SMAP2: variants seen among roughly 807,000 people sequenced by gnomAD.
The protein encoded by SMAP2 is stromal membrane-associated protein 2.
In SMAP2, 25 loss-of-function variants were observed where a neutral mutation model predicts 56.4. That is an observed-to-expected ratio of 0.44 (90% CI 0.32 to 0.62). The LOEUF is 0.62. Among genes scored for constraint, SMAP2 ranks in the 20% least tolerant of loss-of-function variants. SMAP2 has a pLI of 0.04. For synonymous variants in SMAP2, 157 were observed against 181.7 expected (o/e 0.86, Z 1.09); for missense variants, 388 against 545.6 (o/e 0.71, Z 2.88).
upstream of SMAP2, among the ~76,000 whole-genome samples, chr1:40,371,744 G>C (rs763795121): frequency 2.6e-5 from 4 of 152,202 alleles, no homozygotes; most frequent in Admixed American, 6.5e-5. Flanking sequence ...CAAAACGCCA[G>C]AAATATTTAG....
rs745923526 is a variant in SMAP2, at chr1:40,408,800, C to T, written c.323+62C>T. On this transcript the variant is annotated intron_variant, in intron 3 of 9. Coordinates refer to ENST00000372718, the MANE Select transcript of SMAP2 (RefSeq NM_022733.3). The surrounding 1 kb of genome is among the most constrained non-coding windows in gnomAD (Gnocchi z 4.3). ...ATTTTGATGCTTGGGGAGAGTCAGACAAGACTCCAGTCCTGTAATGTGACT... is the reference window on the plus strand; with the variant it reads ...ATTTTGATGCTTGGGGAGAGTCAGATAAGACTCCAGTCCTGTAATGTGACT... 101 of 1,329,624 alleles carry T rather than the reference C, an allele frequency of 7.6e-5. No homozygotes were observed. Among genetic ancestry groups the T allele is most frequent in the Non-Finnish European group, 1.1e-4 (99 of 922,906 alleles). 82.4% of individuals were successfully genotyped at this position (1,329,624 alleles called of 1,614,324 possible).
Position 40,406,741 on chromosome 1 carries a change from C to T in SMAP2, c.109C>T (p.Arg37Ter), listed in dbSNP as rs2124339197. The T allele has an allele frequency of 6.2e-7, 1 of 1,612,810 alleles. No individual in the cohort carries two copies. The highest frequency in any genetic ancestry group is 8.5e-7 in the Non-Finnish European group (1 of 1,179,092). Residue 37 changes from arginine (R) to a stop codon, truncating the protein, a stop_gained, in exon 2 of 10, where the codon CGA becomes TGA. Transcript: ENST00000372718. LOFTEE classifies it high-confidence loss of function. Reference sequence around the variant, plus strand: ...CCTGTTCCTGACTTTCACAGGGCCGCGATGGGCCTCTTGGAACATTGGTGT... The same window carrying T: ...CCTGTTCCTGACTTTCACAGGGCCGTGATGGGCCTCTTGGAACATTGGTGT... ...FCADCQSKGP[R>*]WASWNIGVFI...
intron 1 of SMAP2, among the ~76,000 whole-genome samples, chr1:40,356,653 G>T (rs570914809): frequency 6.6e-6 from 1 of 152,006 alleles, no homozygotes. Context: ...TTTGTGAGCC[G>T]CCCGCCTTGG....
intron 1 of SMAP2, among the ~76,000 whole-genome samples, chr1:40,358,740 C>T (rs72670678): frequency 2.6e-5 from 4 of 152,138 alleles, no homozygotes; most frequent in East Asian, 1.9e-4. Flanking sequence ...TAGGTTCATT[C>T]GATTTTTAGT....
intron 1 of SMAP2, among the ~76,000 whole-genome samples, chr1:40,389,149 G>T (rs558424832): frequency 6.6e-6 from 1 of 152,114 alleles, no homozygotes; most frequent in Non-Finnish European, 1.5e-5. Flanking sequence ...CACCAATTCC[G>T]GACACAACAT....
intron 8 of SMAP2, 61 bp downstream of exon 8, chr1:40,416,402 A>G: frequency 1.3e-6 from 2 of 1,550,576 alleles, no homozygotes; most frequent in South Asian, 2.4e-5. Context: ...TCCATGCAGG[A>G]ATTATTTATT....
At chr1:40,400,555 G>A (rs1380653525) in intron 1 of SMAP2, among the ~76,000 whole-genome samples, 1 of 152,194 alleles carries the variant, frequency 6.6e-6, no homozygotes, top group East Asian at 1.9e-4. Flanking sequence ...AGATATTTTT[G>A]TCTTGGTGAT....
chr1:40,360,004 C>CT (rs775408458), intron 1 of SMAP2, among the ~76,000 whole-genome samples: 61,445 of 102,574 alleles, frequency 0.6, 19,737 homozygotes, highest in South Asian at 0.67. Flanking sequence ...CTTCTTCTTT[C>CT]TTTTTTTTTT....
At chr1:40,391,076 C>T (rs1053639362) in intron 1 of SMAP2, among the ~76,000 whole-genome samples, 9 of 152,110 alleles carry the variant, frequency 5.9e-5, no homozygotes, top group African/African-American at 2.2e-4. Context: ...TGTCCTCTGC[C>T]CACTAGATGC....
At chr1:40,360,475 G>A (rs752936101) in intron 1 of SMAP2, among the ~76,000 whole-genome samples, 17 of 151,570 alleles carry the variant, frequency 1.1e-4, no homozygotes, top group Non-Finnish European at 1.8e-4. Context: ...GCTAATTTTT[G>A]TATTTTTAGT....
At chr1:40,406,987 A>C in intron 2 of SMAP2, 118 bp downstream of exon 2, 1 of 1,053,172 alleles carries the variant, frequency 9.5e-7, no homozygotes, top group Non-Finnish European at 1.4e-6. Context: ...GTTGTTAAAC[A>C]CTTAACATCA....
chr1:40,357,114 G>A (rs1364862283), intron 1 of SMAP2, among the ~76,000 whole-genome samples: 3 of 150,854 alleles, frequency 2.0e-5, no homozygotes, highest in Non-Finnish European at 4.4e-5. Flanking sequence ...CATTCTGTGG[G>A]TTGTCTCTTC....
chr1:40,401,839 C>T (rs1179821748), intron 1 of SMAP2, among the ~76,000 whole-genome samples: 2 of 152,212 alleles, frequency 1.3e-5, no homozygotes, highest in Admixed American at 6.5e-5. Context: ...TTTTCCGATA[C>T]TGAACTGGTA....
intron 1 of SMAP2, among the ~76,000 whole-genome samples, chr1:40,384,110 C>G (rs892483625): frequency 6.6e-6 from 1 of 152,126 alleles, no homozygotes; most frequent in Non-Finnish European, 1.5e-5. Flanking sequence ...ATTGGCCAGG[C>G]TGGTCTCAAA....
In SMAP2 at chr1:40,406,863, G is replaced by C. The variant is rs757972781; in HGVS notation, c.231G>C (p.Gln77His). Residue 77 changes from glutamine (Q) to histidine (H), a missense_variant, in exon 2 of 10, where the codon CAG (glutamine) becomes CAC (histidine). Coordinates refer to ENST00000372718, the MANE Select transcript of SMAP2 (RefSeq NM_022733.3). The stretch of plus-strand genomic sequence containing the variant: ...ACCTCGACCAGTGGACTCAAGAACA[G>C]ATTCAGGTACTTAGCCCAAGAGTGA... Reference protein sequence around the residue: ...SVNLDQWTQEQIQCMQEMGNG... With the variant: ...SVNLDQWTQEHIQCMQEMGNG... 6.2e-7 allele frequency: 1 copy of C among 1,612,840 alleles called. No homozygotes were observed. Among genetic ancestry groups the C allele is most frequent in the South Asian group, 1.1e-5 (1 of 90,932 alleles).
intron 1 of SMAP2, among the ~76,000 whole-genome samples, chr1:40,348,576 A>C (rs1569811510): frequency 6.6e-6 from 1 of 151,810 alleles, no homozygotes; most frequent in Non-Finnish European, 1.5e-5. Flanking sequence ...GCACCAGAGA[A>C]TGAGTCAAGA....
At chr1:40,410,474 A>G (rs916264533) in intron 4 of SMAP2, among the ~76,000 whole-genome samples, 1 of 152,024 alleles carries the variant, frequency 6.6e-6, no homozygotes, top group Admixed American at 6.6e-5. Context: ...CTACATAGAT[A>G]TATACACACA....
chr1:40,364,900 C>A, intron 2 of SMAP2: 1 of 218,666 alleles, frequency 4.6e-6, no homozygotes, highest in South Asian at 8.2e-5. Context: ...CCCATGAATC[C>A]TTGGCCCAGG....
At chr1:40,414,477 T>C (rs1013703320) in intron 6 of SMAP2, among the ~76,000 whole-genome samples, 6 of 152,230 alleles carry the variant, frequency 3.9e-5, no homozygotes, top group African/African-American at 1.2e-4. Context: ...TTGGAGCCAG[T>C]GTCGCTCTGT....
Sources: allele counts gnomAD v4.1 joint callset (sites outside exome capture counted in the v4.1 genomes callset), GRCh38; gene constraint gnomAD v4.1.1; non-coding constraint Gnocchi (gnomAD v3.1); transcripts MANE v1.5; gene names NCBI Gene and HGNC (gene_info 2026-07-23, HGNC 2026-07-21).